C19orf47: variants seen among roughly 807,000 people sequenced by gnomAD.
The protein encoded by C19orf47 is chromosome 19 open reading frame 47, also known as uncharacterized protein C19orf47.
Under a neutral mutation model 32.3 loss-of-function variants are expected in C19orf47, and 18 were observed. That is an observed-to-expected ratio of 0.56 (90% confidence interval 0.39 to 0.83). The LOEUF (loss-of-function observed/expected upper bound fraction) is 0.83. Among genes scored for constraint, C19orf47 ranks in the 40% least tolerant of loss-of-function variants. The pLI is 0.00. For synonymous variants in C19orf47, 202 were observed against 211.1 expected (o/e 0.96, Z 0.37); for missense variants, 484 against 531.6 (o/e 0.91, Z 0.88).
chr19:40,345,169 T>C (rs1359732508), intron 1 of C19orf47, among the ~76,000 whole-genome samples: 1 of 152,092 alleles, frequency 6.6e-6, no homozygotes, highest in Non-Finnish European at 1.5e-5. Context: ...CTGAATTCAA[T>C]TTCCTCTCTC....
Position 40,324,041 on chromosome 19 carries a change from C to G in C19orf47, c.628G>C (p.Ala210Pro), listed in dbSNP as rs972074756. 1 of 1,614,212 alleles carries G rather than the reference C, an allele frequency of 6.2e-7. No individual in the cohort carries two copies. Among genetic ancestry groups the G allele is most frequent in the Non-Finnish European group, 8.5e-7 (1 of 1,180,024 alleles). ...HRTSVFDRLG[A>P]ETKADTTTGS... ...GTCGTGGTGTCTGCCTTGGTCTCGG[C>G]GCCGAGGCGGTCAAACACAGACGTC... The change falls in exon 8 of 9, where the codon GCC becomes CCC. Residue 210 changes from alanine (A) to proline (P), a missense_variant. Ala to Pro is a conservative substitution (Grantham distance 27). Coordinates refer to ENST00000683109, the MANE Select transcript of C19orf47 (RefSeq NM_001256441.2).
Position 40,322,308 on chromosome 19 carries a change from G to A in C19orf47, c.732C>T (p.Asp244=), listed in dbSNP as rs1393254904. Residue 244 remains aspartate, a synonymous_variant, in exon 9 of 9, where the codon GAC becomes GAT. Transcript: ENST00000683109. ...ETDEDLAWDS[D]NDSSSSVLQY... ...GCAAGACAGAGCTGCTGCTGTCATT[G>A]TCGCTGTCCCAAGCCAGATCCTCGT... The A allele has an allele frequency of 6.2e-7, 1 of 1,608,422 alleles. No individual in the cohort carries two copies. The highest frequency in any genetic ancestry group is 1.7e-5 in the Admixed American group (1 of 59,996).
Position 40,324,021 on chromosome 19 carries a change from G to A in C19orf47, c.648C>T (p.Thr216=), listed in dbSNP as rs200609412. ...CCCCACTCACTTTACTCCCTGTCGT[G>A]GTGTCTGCCTTGGTCTCGGCGCCGA... ...DRLGAETKAD[T]TTGSKPTGVF... Residue 216 remains threonine, a synonymous_variant, in exon 8 of 9, where the codon ACC becomes ACT. Transcript: ENST00000683109. The A allele has an allele frequency of 7.4e-6, 12 of 1,614,090 alleles. No individual in the cohort carries two copies. The highest frequency in any genetic ancestry group is 9.3e-6 in the Non-Finnish European group (11 of 1,180,046).
At chr19:40,297,813 G>A in the C19orf47 span, among the ~76,000 whole-genome samples, 1 of 150,972 alleles carries the variant, frequency 6.6e-6, no homozygotes, top group Admixed American at 6.6e-5. Context: ...GGCGGAGGTT[G>A]CAGTGAGCTG....
chr19:40,331,764 C>T (rs373875331), intron 5 of C19orf47, among the ~76,000 whole-genome samples: 3 of 152,246 alleles, frequency 2.0e-5, no homozygotes, highest in South Asian at 2.1e-4. Context: ...CTGTCGGGTG[C>T]GGTGGCTAAT....
At chr19:40,330,540 CT>C (rs398034615) in intron 5 of C19orf47, among the ~76,000 whole-genome samples, 15 of 64,600 alleles carry the variant, frequency 2.3e-4, no homozygotes, top group East Asian at 1.1e-3. Flanking sequence ...ACCCGGCCCT[CT>C]TTTTTTTTTT....
At chr19:40,300,949 C>T in the C19orf47 span, among the ~76,000 whole-genome samples, 4 of 152,128 alleles carry the variant, frequency 2.6e-5, no homozygotes, top group East Asian at 5.8e-4. Flanking sequence ...GCCAGAAGCT[C>T]GAGACCAGCC....
chr19:40,326,611 A>G (rs1424886887), intron 6 of C19orf47, 125 bp from the exon 7 acceptor site: 1 of 1,181,564 alleles, frequency 8.5e-7, no homozygotes, highest in East Asian at 2.6e-5. Context: ...CTTCCCAACC[A>G]CCCACATCAC....
In C19orf47 at chr19:40,321,397, CAG is replaced by C; in HGVS notation, c.*483_*484del. On this transcript the variant is annotated 3_prime_UTR_variant, in exon 9 of 9. Transcript: ENST00000683109. ...AGAAGAGAAATGAACAAAGTGAAGACAGGGAGAGAGAGAAGTCACAGCAGTGG... is the reference window on the plus strand; with the variant it reads ...AGAAGAGAAATGAACAAAGTGAAGACGGAGAGAGAGAAGTCACAGCAGTGG... 2.0e-6 allele frequency: 2 copies of C among 992,146 alleles called. No individual in the cohort carries two copies. The highest frequency in any genetic ancestry group is 2.4e-6 in the Non-Finnish European group (2 of 834,164). The allele number at this position is 992,146 out of a possible 1,614,324, so 61.5% of individuals were successfully genotyped here.
downstream of C19orf47, among the ~76,000 whole-genome samples, chr19:40,318,636 G>T (rs1024287483): frequency 1.3e-5 from 2 of 152,176 alleles, no homozygotes; most frequent in African/African-American, 4.8e-5. Context: ...CTTCCTGGTG[G>T]CAATGACCTG....
the C19orf47 span, among the ~76,000 whole-genome samples, chr19:40,306,472 G>A: frequency 4.0e-5 from 6 of 151,546 alleles, no homozygotes; most frequent in Non-Finnish European, 5.9e-5. Flanking sequence ...GCGAGATCTC[G>A]GCTTACTGCA....
At chr19:40,348,462 G>A (rs952249470), upstream of C19orf47, 12 of 1,499,210 alleles carry the variant, frequency 8.0e-6, no homozygotes, top group Admixed American at 6.6e-5. Context: ...TGACTCGTCC[G>A]CGGCCGCTCT....
chr19:40,321,804 C>T lies in C19orf47; in HGVS notation c.*78G>A, dbSNP rs1481561990. ...GTGTCATCCAGGAGCTGGTGGGAGG[C>T]GTGATGAAGCCAGGAGCCTGGGGCG... On this transcript the variant is annotated 3_prime_UTR_variant, in exon 9 of 9. Coordinates refer to ENST00000683109, the MANE Select transcript of C19orf47 (RefSeq NM_001256441.2). The T allele has an allele frequency of 9.0e-6, 13 of 1,448,870 alleles. No individual in the cohort carries two copies. The Admixed American group carries it at 1.1e-4, about 13-fold the overall frequency. 89.8% of individuals were successfully genotyped at this position (1,448,870 alleles called of 1,614,324 possible). A position where few individuals can be genotyped will look rare whatever the true frequency, so the allele number is the denominator to read the frequency against.
intron 5 of C19orf47, among the ~76,000 whole-genome samples, chr19:40,333,274 AAAATAAATAAAT>A (rs61342452): frequency 0.01 from 1,429 of 142,892 alleles, 32 homozygotes; most frequent in African/African-American, 0.035. Flanking sequence ...AATAAATAAG[AAAATAAATAAAT>A]AAATAAATAA....
At chr19:40,318,229 AAAT>A (rs2077676287), downstream of C19orf47, among the ~76,000 whole-genome samples, 2 of 152,086 alleles carry the variant, frequency 1.3e-5, no homozygotes, top group Non-Finnish European at 2.9e-5. Context: ...ATAAAATATA[AAAT>A]AAAATAAAAA....
At chr19:40,310,169 A>G in the C19orf47 span, among the ~76,000 whole-genome samples, 1 of 152,190 alleles carries the variant, frequency 6.6e-6, no homozygotes, top group African/African-American at 2.4e-5. Context: ...ATACAATGGA[A>G]TATTATTTAG....
chr19:40,310,618 G>T, the C19orf47 span, among the ~76,000 whole-genome samples: 1 of 152,162 alleles, frequency 6.6e-6, no homozygotes, highest in Non-Finnish European at 1.5e-5. Context: ...TCTGATACAT[G>T]AATTATATCT....
intron 1 of C19orf47, chr19:40,342,586 AGCC>A: frequency 6.6e-6 from 1 of 152,444 alleles, no homozygotes. Context: ...AGAGTAAACA[AGCC>A]AAACAGTTAA....
At chr19:40,308,083 C>T in the C19orf47 span, among the ~76,000 whole-genome samples, 5 of 152,060 alleles carry the variant, frequency 3.3e-5, no homozygotes, top group Non-Finnish European at 7.4e-5. Flanking sequence ...TAAGGATGGC[C>T]AGGATATGCT....
Sources: gnomAD v4.1 joint callset for allele counts (sites outside exome capture counted in the v4.1 genomes callset) on GRCh38, gnomAD v4.1.1 for gene constraint, MANE v1.5 for transcripts, NCBI Gene and HGNC (gene_info 2026-07-23, HGNC 2026-07-21) for gene names.